The following TAF1 variants were observed in gnomAD, a reference collection of about 807,000 sequenced individuals.
The protein encoded by TAF1 is TATA-box binding protein associated factor 1.
In TAF1, 2 loss-of-function variants were observed where a neutral mutation model predicts 138.5. The observed-to-expected ratio is 0.01, with a 90% CI of 0.01 to 0.05. The LOEUF is 0.05. TAF1 is among the 10% of genes least tolerant of loss of function. The pLI, the probability that TAF1 is intolerant of heterozygous loss-of-function variation, is 1.00. For missense variants in TAF1, 709 were observed against 1,478.0 expected (o/e 0.48, Z 8.53); for synonymous variants, 437 against 503.2 (o/e 0.87, Z 1.76).
intron 13 of TAF1, among the ~76,000 whole-genome samples, chrX:71,499,872 G>A (rs912668901): frequency 1.8e-5 from 2 of 112,056 alleles, no homozygotes; most frequent in African/African-American, 6.5e-5. Context: ...AAGTGAGATC[G>A]AAGGTTTGCC....
chrX:71,490,599 G>A (rs1441467382), intron 13 of TAF1, among the ~76,000 whole-genome samples: 2 of 110,844 alleles, frequency 1.8e-5, no homozygotes, highest in Non-Finnish European at 3.8e-5. Context: ...TCAAGAAATT[G>A]ACAAATTATA....
intron 32 of TAF1, among the ~76,000 whole-genome samples, chrX:71,446,149 G>A (rs1179117876): frequency 9.0e-6 from 1 of 111,065 alleles, no homozygotes; most frequent in African/African-American, 3.3e-5. Flanking sequence ...GACCTCAGGT[G>A]ACCCACCTGC....
chrX:71,436,874 TAAA>T (rs749960779), intron 32 of TAF1, among the ~76,000 whole-genome samples: 88 of 111,889 alleles, frequency 7.9e-4, no homozygotes, highest in African/African-American at 2.6e-3. Context: ...CTCGAATAAA[TAAA>T]CATGATTGAG....
chrX:71,381,606 CT>C, intron 8 of TAF1, 136 bp from the exon 9 acceptor site: 1 of 664,451 alleles, frequency 1.5e-6, no homozygotes. Flanking sequence ...GTGTAGGTTC[CT>C]TTTCAGTGGA....
chrX:71,408,319 ACTT>A (rs1266601450), intron 28 of TAF1, among the ~76,000 whole-genome samples, 168 bp downstream of exon 28: 3 of 109,772 alleles, frequency 2.7e-5, no homozygotes, highest in African/African-American at 9.9e-5. Flanking sequence ...AATAAATATC[ACTT>A]CTTTTTTTTT....
At chrX:71,504,652 G>A (rs1269775828) in intron 13 of TAF1, among the ~76,000 whole-genome samples, 1 of 101,502 alleles carries the variant, frequency 9.9e-6, no homozygotes, top group Admixed American at 1.1e-4. Flanking sequence ...AGGCTGAGGT[G>A]GGAGGCTTCA....
At chrX:71,439,262 C>T (rs1057108523) in intron 32 of TAF1, among the ~76,000 whole-genome samples, 1 of 111,411 alleles carries the variant, frequency 9.0e-6, no homozygotes, top group Non-Finnish European at 1.9e-5. Flanking sequence ...TTTAATGGGG[C>T]ATTAACATTA....
At chrX:71,451,867 T>C (rs2037983218) in intron 32 of TAF1, among the ~76,000 whole-genome samples, 1 of 112,395 alleles carries the variant, frequency 8.9e-6, no homozygotes, top group South Asian at 3.6e-4. Flanking sequence ...AAGTCTCCCA[T>C]GTCTACTTCT....
intron 37 of TAF1, 76 bp from the exon 38 acceptor site, chrX:71,463,748 T>C: frequency 1.0e-6 from 1 of 1,000,723 alleles, no homozygotes; most frequent in Non-Finnish European, 1.4e-6. Context: ...GCTGATCCTT[T>C]GGTGGCACTG....
At chrX:71,439,780 T>C (rs1569349023) in intron 32 of TAF1, among the ~76,000 whole-genome samples, 1 of 112,140 alleles carries the variant, frequency 8.9e-6, no homozygotes, top group Non-Finnish European at 1.9e-5. Flanking sequence ...ATCCTTTTTA[T>C]TTTGAGATAA....
intron 8 of TAF1, among the ~76,000 whole-genome samples, chrX:71,380,880 G>A (rs1417228629): frequency 2.7e-5 from 3 of 111,058 alleles, no homozygotes; most frequent in Non-Finnish European, 5.7e-5. Flanking sequence ...TAGTAGAGAC[G>A]GGGTTTCACC....
intron 28 of TAF1, among the ~76,000 whole-genome samples, chrX:71,419,178 G>A (rs1257839754): frequency 2.7e-5 from 3 of 111,248 alleles, no homozygotes; most frequent in Non-Finnish European, 3.8e-5. Context: ...GTTAAGTGTG[G>A]GAAAATTACA....
At chrX:71,400,929 T>C (rs2035143909) in intron 24 of TAF1, among the ~76,000 whole-genome samples, 1 of 112,208 alleles carries the variant, frequency 8.9e-6, no homozygotes, top group Admixed American at 9.5e-5. Flanking sequence ...AAAACTGAGA[T>C]GGAGACTTGG....
rs751908191 is a variant in TAF1, at chrX:71,459,697, A to G, written c.5210A>G (p.Asn1737Ser). The G allele has an allele frequency of 1.3e-5, 16 of 1,208,887 alleles. No individual in the cohort carries two copies. Among genetic ancestry groups the G allele is most frequent in the African/African-American group, 3.5e-5 (2 of 57,038 alleles). Residue 1737 changes from asparagine to serine, a missense_variant, in exon 36 of 38, where the codon AAT becomes AGT. Coordinates refer to ENST00000423759, the MANE Select transcript of TAF1 (RefSeq NM_004606.5). ...GCTGGGAGTGATGAAGAAGGAGACA[A>G]TCCTTTCTCTGGTAGGCCTCAACCA... The part of the protein sequence containing the change: ...EDAGSDEEGD[N>S]PFSAIQLSES...
intron 13 of TAF1, among the ~76,000 whole-genome samples, chrX:71,497,458 G>T (rs1224156701): frequency 9.0e-6 from 1 of 111,192 alleles, no homozygotes; most frequent in African/African-American, 3.3e-5. Context: ...TAATCCAGAT[G>T]GTGAGATCCT....
intron 12 of TAF1, 131 bp downstream of exon 12, chrX:71,383,295 A>G: frequency 1.3e-6 from 1 of 771,516 alleles, no homozygotes; most frequent in Non-Finnish European, 1.8e-6. Flanking sequence ...TATTTTGGTT[A>G]TTTAGGAGAA....
intron 13 of TAF1, among the ~76,000 whole-genome samples, chrX:71,517,341 G>A (rs1298483130): frequency 2.7e-5 from 3 of 111,595 alleles, no homozygotes; most frequent in South Asian, 3.7e-4. Flanking sequence ...GAATATAATC[G>A]GATTGTTTGT....
At chrX:71,479,861 C>T (rs2039042171) in intron 13 of TAF1, among the ~76,000 whole-genome samples, 1 of 111,555 alleles carries the variant, frequency 9.0e-6, no homozygotes, top group Non-Finnish European at 1.9e-5. Flanking sequence ...GAGAAAGCAG[C>T]TAGGCTATCA....
intron 32 of TAF1, among the ~76,000 whole-genome samples, chrX:71,452,110 C>G (rs984249899): frequency 2.9e-5 from 2 of 68,851 alleles, no homozygotes; most frequent in African/African-American, 1.2e-4. Context: ...GGGGGGCTGA[C>G]CCCCCCCCCC....
Sources: allele counts gnomAD v4.1 joint callset (sites outside exome capture counted in the v4.1 genomes callset), GRCh38; gene constraint gnomAD v4.1.1; transcripts MANE v1.5; gene names NCBI Gene and HGNC (gene_info 2026-07-23, HGNC 2026-07-21).